PYGL: variants seen among roughly 807,000 people sequenced by gnomAD.
PYGL encodes glycogen phosphorylase, liver form.
In PYGL, 90 loss-of-function variants were observed where a neutral mutation model predicts 100.1. The ratio of observed to expected loss-of-function variants is 0.90; its 90% CI spans 0.76 to 1.07. The LOEUF (loss-of-function observed/expected upper bound fraction) is 1.07, where lower values mean the gene tolerates loss of function less well. Among genes scored for constraint, PYGL ranks in the 50% least tolerant of loss-of-function variants. The pLI is 0.00. For synonymous variants in PYGL, 373 were observed against 393.0 expected (o/e 0.95, Z 0.60); for missense variants, 1,016 against 1,057.6 (o/e 0.96, Z 0.55).
rs140847330 is a variant in PYGL at position 50,943,688 on chromosome 14, G to C, written c.243+473C>G. ...AGACTTACGACCTTTTCCCAGCTCG[G>C]CGTTTGTCTCCCCTCCCAAAATACC... On this transcript the variant is annotated intron_variant, in intron 1 of 19. Coordinates refer to ENST00000216392, the MANE Select transcript of PYGL (RefSeq NM_002863.5). Among the ~76,000 whole-genome samples, 341 of 152,338 alleles carry C rather than the reference G, an allele frequency of 2.2e-3. 3 individuals carry two copies. The highest frequency in any genetic ancestry group is 7.8e-3 in the African/African-American group (325 of 41,580).
chr14:50,939,182 G>A (rs967604281), intron 1 of PYGL, among the ~76,000 whole-genome samples: 2 of 152,024 alleles, frequency 1.3e-5, no homozygotes, highest in African/African-American at 4.8e-5. Flanking sequence ...GACTACAGGC[G>A]CCTGCCACCA....
chr14:50,916,719 T>C lies in PYGL; in HGVS notation c.1015A>G (p.Asn339Asp). The change falls in exon 9 of 20, where the codon AAT (asparagine) becomes GAT (aspartate). Residue 339 changes from asparagine (N) to aspartate (D), a missense_variant. Asn to Asp is a conservative substitution (Grantham distance 23, BLOSUM62 1). Transcript: ENST00000216392. Reference sequence around the variant, plus strand: ...ATCGCGAGTGCAGGGTGAGTGTCATTCAGCTGGATGGCCACCTGGGTGGGG... The same window carrying C: ...ATCGCGAGTGCAGGGTGAGTGTCATCCAGCTGGATGGCCACCTGGGTGGGG... The part of the protein sequence containing the change: ...AFPDQVAIQL[N>D]DTHPALAIPE... 1 of 1,614,094 alleles carries C rather than the reference T, an allele frequency of 6.2e-7. No homozygotes were observed. The highest frequency in any genetic ancestry group is 1.1e-5 in the South Asian group (1 of 91,086).
At chr14:50,932,482 C>T (rs569683210) in intron 3 of PYGL, among the ~76,000 whole-genome samples, 1 of 152,298 alleles carries the variant, frequency 6.6e-6, no homozygotes, top group Admixed American at 6.5e-5. Context: ...ATTTTCCTTG[C>T]TGCCACTGTC....
intron 2 of PYGL, 147 bp downstream of exon 2, chr14:50,937,589 T>C: frequency 2.7e-6 from 2 of 730,026 alleles, no homozygotes; most frequent in Non-Finnish European, 4.8e-6. Flanking sequence ...CAGTGATGTA[T>C]ATTTCTAAAA....
In PYGL at chr14:50,913,176, CA is replaced by C. The variant is rs748184175; in HGVS notation, c.1519-47del. Reference sequence around the variant, plus strand: ...ATGACTTCAATTTGGGGATGGTAATCAAGTCCAAATGGGCAGTTTCTGTCAG... The same window carrying C: ...ATGACTTCAATTTGGGGATGGTAATCAGTCCAAATGGGCAGTTTCTGTCAG... On this transcript the variant is annotated intron_variant, in intron 12 of 19. Coordinates refer to ENST00000216392, the MANE Select transcript of PYGL (RefSeq NM_002863.5). 7 of 1,561,292 alleles carry C rather than the reference CA, an allele frequency of 4.5e-6. No individual in the cohort carries two copies. The East Asian group carries it at 1.4e-4, about 30-fold the overall frequency.
chr14:50,913,175 TC>T, intron 12 of PYGL, 45 bp from the exon 13 acceptor site: 2 of 1,560,572 alleles, frequency 1.3e-6, no homozygotes, highest in Non-Finnish European at 1.8e-6. Context: ...GGGATGGTAA[TC>T]AAGTCCAAAT....
intron 4 of PYGL, among the ~76,000 whole-genome samples, chr14:50,928,372 G>T (rs2050572869): frequency 6.6e-6 from 1 of 152,098 alleles, no homozygotes; most frequent in Non-Finnish European, 1.5e-5. Context: ...AAGCTTGCTG[G>T]GTAATGTGAA....
rs12880129 is a variant in PYGL, at chr14:50,916,026, C to T, written c.1093-55G>A. The T allele has an allele frequency of 0.14, 230,159 of 1,608,208 alleles. 20,723 individuals are homozygous for T. The highest frequency in any genetic ancestry group is 0.45 in the African/African-American group (33,788 of 74,908). ...CCCTGAAGGTGGGCACCCCACTGCA[C>T]GGGCCAAACCCTTCTTCAACCCTGC... On this transcript the variant is annotated intron_variant, in intron 9 of 19. Transcript: ENST00000216392.
At chr14:50,919,242 G>C (rs528921012) in intron 7 of PYGL, among the ~76,000 whole-genome samples, 1 of 152,282 alleles carries the variant, frequency 6.6e-6, no homozygotes, top group South Asian at 2.1e-4. Flanking sequence ...TTGGCAGTAC[G>C]GTCCCAGACT....
chr14:50,941,875 C>CACAAA (rs994312760), intron 1 of PYGL, among the ~76,000 whole-genome samples: 2 of 152,042 alleles, frequency 1.3e-5, no homozygotes, highest in South Asian at 4.1e-4. Context: ...GAGACTCTGT[C>CACAAA]ACAAAACAAA....
intron 5 of PYGL, among the ~76,000 whole-genome samples, chr14:50,922,045 G>C (rs747783546): frequency 1.3e-5 from 2 of 152,222 alleles, no homozygotes; most frequent in African/African-American, 2.4e-5. Context: ...CTGAAATAGA[G>C]AAGAGGAAGA....
At chr14:50,938,494 G>A (rs547556604) in intron 1 of PYGL, among the ~76,000 whole-genome samples, 53 of 152,326 alleles carry the variant, frequency 3.5e-4, no homozygotes, top group African/African-American at 1.1e-3. Context: ...TTAGAGGCGC[G>A]AGCCACTGCG....
At chr14:50,942,760 G>T (rs189137950) in intron 1 of PYGL, among the ~76,000 whole-genome samples, 1 of 100,400 alleles carries the variant, frequency 1.0e-5, no homozygotes, top group African/African-American at 2.9e-5. Context: ...GGCGAAGGAT[G>T]CAGTGAGCCA....
intron 5 of PYGL, among the ~76,000 whole-genome samples, chr14:50,921,786 CA>C (rs1199207568): frequency 6.6e-6 from 1 of 152,098 alleles, no homozygotes. Context: ...CAAAAAATAG[CA>C]CTTAGAATAT....
chr14:50,931,386 T>C (rs2050599375), intron 4 of PYGL, among the ~76,000 whole-genome samples: 2 of 152,220 alleles, frequency 1.3e-5, no homozygotes, highest in African/African-American at 2.4e-5. Context: ...ACATTGTAGG[T>C]GCTCCACAAT....
At chr14:50,925,125 G>A (rs1000160174) in intron 4 of PYGL, among the ~76,000 whole-genome samples, 4 of 152,186 alleles carry the variant, frequency 2.6e-5, no homozygotes, top group African/African-American at 9.7e-5. Flanking sequence ...TATATGGTAT[G>A]GCCTCCTGCT....
chr14:50,931,819 T>C (rs925049684), intron 3 of PYGL, 43 bp from the exon 4 acceptor site: 1 of 1,550,766 alleles, frequency 6.4e-7, no homozygotes, highest in East Asian at 2.2e-5. Flanking sequence ...GTCATTAAGC[T>C]GAGCCAAAAT....
Position 50,911,752 on chromosome 14 carries a change from G to T in PYGL, c.1947C>A (p.Tyr649Ter), listed in dbSNP as rs150547274. ...TACCTTTTTCAGCAAGAGATACTCT[G>T]TAGTTCTCCAAGAAGATGACTTTCA... is the stretch of plus-strand genomic sequence containing the variant. ...SKLKVIFLEN[Y>*]RVSLAEKVIP... is the part of the protein sequence containing the mutation. Residue 649 changes from tyrosine (Y) to a stop codon, truncating the protein, a stop_gained, in exon 16 of 20, where the codon TAC becomes TAA. Coordinates refer to ENST00000216392, the MANE Select transcript of PYGL (RefSeq NM_002863.5). LOFTEE classifies it high-confidence loss of function. The T allele has an allele frequency of 1.2e-5, 20 of 1,614,060 alleles. No individual in the cohort carries two copies. In the African/African-American group the frequency reaches 2.4e-4, roughly 19 times the overall value.
At chr14:50,916,321 T>A (rs560404656) in intron 9 of PYGL, among the ~76,000 whole-genome samples, 2 of 152,236 alleles carry the variant, frequency 1.3e-5, no homozygotes, top group Non-Finnish European at 2.9e-5. Flanking sequence ...TCTAAAGCTA[T>A]GGGGACACTC....
Sources: gnomAD v4.1 joint callset for allele counts (sites outside exome capture counted in the v4.1 genomes callset) on GRCh38, gnomAD v4.1.1 for gene constraint, MANE v1.5 for transcripts, NCBI Gene and HGNC (gene_info 2026-07-23, HGNC 2026-07-21) for gene names.